PSD2: variants seen among roughly 807,000 people sequenced by gnomAD.
The protein encoded by PSD2 is pleckstrin and Sec7 domain containing 2.
In PSD2, 38 loss-of-function variants were observed where a neutral mutation model predicts 69.8. That is an observed-to-expected ratio of 0.54 (90% CI 0.42 to 0.71). PSD2 has a LOEUF of 0.71. PSD2 is among the 30% of genes least tolerant of loss of function. The pLI is 0.00. For synonymous variants in PSD2, 412 were observed against 423.0 expected (o/e 0.97, Z 0.32); for missense variants, 943 against 1,014.5 (o/e 0.93, Z 0.96).
At chr5:139,826,667 G>A (rs571966232) in intron 7 of PSD2, among the ~76,000 whole-genome samples, 1 of 152,280 alleles carries the variant, frequency 6.6e-6, no homozygotes, top group South Asian at 2.1e-4. Flanking sequence ...CACAAAAAAC[G>A]TAACACCCAC....
In PSD2 at chr5:139,809,698, C is replaced by T; in HGVS notation, c.258C>T (p.Asp86=). ...CCAATGGCCTAGCCCTGGGGCCAGA[C>T]TTGAACATTCTGGAAGATTCAGCGG... is the stretch of plus-strand genomic sequence containing the variant. ...SLTNGLALGP[D]LNILEDSAES... is the part of the protein sequence containing the mutation. Residue 86 remains aspartate (D), a synonymous_variant, in exon 2 of 15, where the codon GAC becomes GAT. Coordinates refer to ENST00000274710, the MANE Select transcript of PSD2 (RefSeq NM_032289.4). 2.5e-6 allele frequency: 4 copies of T among 1,614,260 alleles called. No homozygotes were observed. The highest frequency in any genetic ancestry group is 3.4e-6 in the Non-Finnish European group (4 of 1,180,050).
rs761849767 is a variant in PSD2, at chr5:139,814,375, G to A, written c.1016+11G>A. On this transcript the variant is annotated intron_variant, in intron 4 of 14. Transcript: ENST00000274710. This position sits in a 1 kb window ranked among gnomAD's most constrained non-coding sequence, Gnocchi z 4.4. ...GCAGCTGGGCAAGAAGTGAGTGTGAGCTCCCCTGCCCCCAACCCTGGGCAA... is the reference window on the plus strand; with the variant it reads ...GCAGCTGGGCAAGAAGTGAGTGTGAACTCCCCTGCCCCCAACCCTGGGCAA... The A allele has an allele frequency of 1.8e-5, 29 of 1,589,710 alleles. No individual in the cohort carries two copies. In the South Asian group the frequency reaches 3.2e-4, roughly 17 times the overall value.
intron 5 of PSD2, among the ~76,000 whole-genome samples, chr5:139,817,994 A>AT: frequency 1.3e-5 from 2 of 152,266 alleles, no homozygotes; most frequent in Middle Eastern, 3.4e-3. Context: ...GTAAAATGGG[A>AT]TTTTATCTCA....
At chr5:139,810,884 G>C (rs535038466) in intron 2 of PSD2, among the ~76,000 whole-genome samples, 2 of 152,118 alleles carry the variant, frequency 1.3e-5, no homozygotes, top group African/African-American at 4.8e-5. Flanking sequence ...GCAGTTGGAG[G>C]CTTGCAGATT....
the PSD2 span, among the ~76,000 whole-genome samples, chr5:139,768,967 T>C: frequency 6.6e-6 from 1 of 152,134 alleles, no homozygotes; most frequent in Non-Finnish European, 1.5e-5. Flanking sequence ...CTACTACGTG[T>C]TGGGGTCTGG....
Position 139,842,249 on chromosome 5 carries a change from C to G in PSD2, c.2113-22C>G, listed in dbSNP as rs375847295. Reference sequence around the variant, plus strand: ...TTTTCCTATTTTGTTGTCTTTTGACCTTGTGTTTGGCCTTTCCCCAGAAAA... The same window carrying G: ...TTTTCCTATTTTGTTGTCTTTTGACGTTGTGTTTGGCCTTTCCCCAGAAAA... On this transcript the variant is annotated intron_variant, in intron 14 of 14. Transcript: ENST00000274710. The G allele has an allele frequency of 2.0e-5, 32 of 1,608,012 alleles. No individual in the cohort carries two copies. In the African/African-American group the frequency reaches 2.0e-4, roughly 10 times the overall value.
the PSD2 span, among the ~76,000 whole-genome samples, chr5:139,749,257 T>C: frequency 6.6e-6 from 1 of 152,152 alleles, no homozygotes; most frequent in African/African-American, 2.4e-5. Flanking sequence ...CCAGGTTACT[T>C]CCTCTGAGAA....
the PSD2 span, among the ~76,000 whole-genome samples, chr5:139,769,094 C>G: frequency 2.6e-5 from 4 of 152,070 alleles, no homozygotes; most frequent in Admixed American, 1.3e-4. Flanking sequence ...GCCTGTGACC[C>G]AGCCTGGTGG....
chr5:139,823,585 T>C (rs1760331945), intron 7 of PSD2, among the ~76,000 whole-genome samples: 1 of 152,102 alleles, frequency 6.6e-6, no homozygotes. Flanking sequence ...TGCCTCCACG[T>C]GGTAGCTGTG....
Position 139,813,559 on chromosome 5 carries a change from G to T in PSD2, c.622G>T (p.Asp208Tyr). Reference sequence around the variant, plus strand: ...CATTGGGGACATGGCGTTTGAGGGGGACATGGGGGCAGCTGGTGGTGATGG... The same window carrying T: ...CATTGGGGACATGGCGTTTGAGGGGTACATGGGGGCAGCTGGTGGTGATGG... ...LGIGDMAFEG[D>Y]MGAAGGDGEL... The change falls in exon 3 of 15, where the codon GAC (aspartate) becomes TAC (tyrosine). Residue 208 changes from aspartate to tyrosine, a missense_variant. By Grantham distance (160) the Asp-to-Tyr change is radical. Transcript: ENST00000274710. The T allele has an allele frequency of 6.2e-7, 1 of 1,612,248 alleles. No individual in the cohort carries two copies.
intron 7 of PSD2, among the ~76,000 whole-genome samples, 186 bp from the exon 8 acceptor site, chr5:139,833,516 T>A (rs1212712413): frequency 6.6e-6 from 1 of 152,222 alleles, no homozygotes; most frequent in East Asian, 1.9e-4. Context: ...TGCTTGAGAA[T>A]CAAGTACAGT....
At chr5:139,768,963 C>T in the PSD2 span, among the ~76,000 whole-genome samples, 6 of 152,224 alleles carry the variant, frequency 3.9e-5, no homozygotes, top group South Asian at 2.1e-4. Flanking sequence ...GCACCTACTA[C>T]GTGTTGGGGT....
chr5:139,785,619 C>T, the PSD2 span, among the ~76,000 whole-genome samples: 1 of 152,174 alleles, frequency 6.6e-6, no homozygotes, highest in African/African-American at 2.4e-5. Context: ...TTTCTTCTCT[C>T]CTCCCACCTC....
the PSD2 span, chr5:139,746,289 A>G: frequency 1.3e-5 from 2 of 152,246 alleles, no homozygotes; most frequent in African/African-American, 2.4e-5. The surrounding 1 kb of genome is among the most constrained non-coding windows in gnomAD (Gnocchi z 4.5). Flanking sequence ...AGGCACCGTG[A>G]GAGCCAATCA....
At chr5:139,794,358 G>A (rs1759470795), upstream of PSD2, among the ~76,000 whole-genome samples, 1 of 152,208 alleles carries the variant, frequency 6.6e-6, no homozygotes, top group South Asian at 2.1e-4. Context: ...TGTCAGAGGT[G>A]TCACCATGGT....
At chr5:139,778,799 C>T in the PSD2 span, among the ~76,000 whole-genome samples, 6 of 151,872 alleles carry the variant, frequency 4.0e-5, 1 homozygote, top group Admixed American at 1.3e-4. Context: ...TGTGGTGGCA[C>T]GTGCCTATAG....
Position 139,813,730 on chromosome 5 carries a change from G to A in PSD2, c.793G>A (p.Asp265Asn). The A allele has an allele frequency of 6.2e-7, 1 of 1,608,290 alleles. No individual in the cohort carries two copies. Among genetic ancestry groups the A allele is most frequent in the Non-Finnish European group, 8.5e-7 (1 of 1,176,060 alleles). ...PGGDEDDDEEDTDKLLNSASD... is the reference protein window; with the variant it reads ...PGGDEDDDEENTDKLLNSASD... ...GGGGGATGAGGATGATGATGAGGAGGACACGGACAAGTTGCTGAACTCAGC... is the reference window on the plus strand; with the variant it reads ...GGGGGATGAGGATGATGATGAGGAGAACACGGACAAGTTGCTGAACTCAGC... Residue 265 changes from aspartate to asparagine, a missense_variant, in exon 3 of 15, where the codon GAC becomes AAC. Physicochemically the swap from Asp to Asn is conservative, Grantham distance 23. Around this residue, in one of 3 missense-constraint regions of PSD2, gnomAD observed 466 missense variants for 445.0 expected, o/e 1.05. Coordinates refer to ENST00000274710, the MANE Select transcript of PSD2 (RefSeq NM_032289.4).
intron 8 of PSD2, among the ~76,000 whole-genome samples, chr5:139,835,487 A>C (rs1241381583): frequency 6.6e-6 from 1 of 152,188 alleles, no homozygotes; most frequent in East Asian, 1.9e-4. Flanking sequence ...GACCTTGTGA[A>C]GCTTACAGTC....
At chr5:139,763,927 A>C in the PSD2 span, among the ~76,000 whole-genome samples, 5 of 152,160 alleles carry the variant, frequency 3.3e-5, no homozygotes, top group Non-Finnish European at 7.3e-5. Flanking sequence ...TGTGCTTCGG[A>C]AATTCTCCAG....
Sources: allele counts gnomAD v4.1 joint callset (sites outside exome capture counted in the v4.1 genomes callset), GRCh38; gene constraint gnomAD v4.1.1; regional missense constraint gnomAD v4.1.1; non-coding constraint Gnocchi (gnomAD v3.1); transcripts MANE v1.5; gene names NCBI Gene and HGNC (gene_info 2026-07-23, HGNC 2026-07-21).